BEST3: variants seen among roughly 807,000 people sequenced by gnomAD.
BEST3 encodes the protein bestrophin-3.
In BEST3, 50 loss-of-function variants were observed where a neutral mutation model predicts 47.1. The observed-to-expected ratio is 1.06, with a 90% CI of 0.85 to 1.34. BEST3 has a LOEUF of 1.34. Among genes scored for constraint, BEST3 ranks in the 40% most tolerant of loss-of-function variants. The pLI is 0.00. For missense variants in BEST3, 765 were observed against 817.0 expected, an observed-to-expected ratio of 0.94 and a Z score of 0.78; for synonymous variants, 282 against 298.8, an observed-to-expected ratio of 0.94 and a Z score of 0.58.
intron 4 of BEST3, among the ~76,000 whole-genome samples, chr12:69,679,914 CGTGT>C (rs35274840): frequency 0.02 from 3,049 of 150,062 alleles, 52 homozygotes; most frequent in African/African-American, 0.033. Context: ...TGTATGCATG[CGTGT>C]GTGTGTGTGT....
At chr12:69,651,991 G>A (rs569382775), downstream of BEST3, among the ~76,000 whole-genome samples, 6 of 152,242 alleles carry the variant, frequency 3.9e-5, no homozygotes, top group African/African-American at 1.4e-4. Context: ...CTGGAGTGGT[G>A]GAGGCGATAC....
chr12:69,664,773 C>G (rs1169096376), intron 9 of BEST3, among the ~76,000 whole-genome samples: 6 of 150,706 alleles, frequency 4.0e-5, no homozygotes, highest in African/African-American at 1.2e-4. Flanking sequence ...ATAAAAGATA[C>G]AGACTCTAGA....
At chr12:69,677,413 T>C (rs1480395593) in intron 5 of BEST3, among the ~76,000 whole-genome samples, 156 bp from the exon 6 acceptor site, 1 of 152,192 alleles carries the variant, frequency 6.6e-6, no homozygotes, top group Non-Finnish European at 1.5e-5. Flanking sequence ...GTTCTAAAAA[T>C]GACAATCAAT....
chr12:69,676,879 A>C, intron 7 of BEST3, 37 bp downstream of exon 7: 2 of 1,599,836 alleles, frequency 1.3e-6, no homozygotes, highest in Admixed American at 1.7e-5. Context: ...CTGGAACATA[A>C]CACATTACAA....
At chr12:69,674,411 G>A (rs1884773636) in intron 7 of BEST3, among the ~76,000 whole-genome samples, 2 of 152,114 alleles carry the variant, frequency 1.3e-5, no homozygotes, top group Non-Finnish European at 2.9e-5. Context: ...TCAGTGTCAG[G>A]TAAAGCTCCC....
chr12:69,687,732 T>A (rs1298279854), intron 4 of BEST3, among the ~76,000 whole-genome samples: 3 of 151,960 alleles, frequency 2.0e-5, no homozygotes, highest in Admixed American at 1.3e-4. Flanking sequence ...CAGAGGTTAC[T>A]GTCTTATAAC....
chr12:69,689,359 C>T (rs1885819142), intron 4 of BEST3: 1 of 624,186 alleles, frequency 1.6e-6, no homozygotes, highest in South Asian at 7.0e-5. Flanking sequence ...GAAGACAGGC[C>T]TCCGAAGCGT....
chr12:69,649,666 C>T (rs567023696), downstream of BEST3, among the ~76,000 whole-genome samples: 5 of 152,284 alleles, frequency 3.3e-5, no homozygotes, highest in South Asian at 4.1e-4. Flanking sequence ...TAGTTGTGGA[C>T]GTCTGTCCTG....
chr12:69,675,188 T>C (rs1341849415), intron 7 of BEST3, among the ~76,000 whole-genome samples: 1 of 152,156 alleles, frequency 6.6e-6, no homozygotes, highest in African/African-American at 2.4e-5. Context: ...GGTGTGAACA[T>C]GGCTCACTGC....
At chr12:69,678,050 AAATC>A (rs1043221168) in intron 5 of BEST3, among the ~76,000 whole-genome samples, 2 of 152,200 alleles carry the variant, frequency 1.3e-5, no homozygotes, top group African/African-American at 4.8e-5. Context: ...TATTGATAGA[AAATC>A]TATCTCTGAA....
At position 69,678,920 on chromosome 12, in the gene BEST3, G is replaced by A. The variant is rs200504260; in HGVS notation, c.482-27C>T. The A allele has an allele frequency of 2.5e-5, 39 of 1,584,276 alleles. No individual in the cohort carries two copies. The African/African-American group carries it at 3.6e-4, about 15-fold the overall frequency. ...TTTACAAAAAAATAAAAATCGGTAG[G>A]TATACAGACTTAGTTTGACACTAAT... On this transcript the variant is annotated intron_variant, in intron 4 of 9. Transcript: ENST00000330891.
In BEST3 at chr12:69,654,411, A is replaced by T; in HGVS notation, c.*496T>A. The T allele has an allele frequency of 2.0e-6, 2 of 986,050 alleles. No individual in the cohort carries two copies. The highest frequency in any genetic ancestry group is 2.4e-6 in the Non-Finnish European group (2 of 830,376). The allele number at this position is 986,050 out of a possible 1,614,324, so 61.1% of individuals were successfully genotyped here. A position where few individuals can be genotyped will look rare whatever the true frequency, so the allele number is the denominator to read the frequency against. ...ATAAAAGTAGGAATGAGATGGTTAG[A>T]AAGCCTCAAACAAAAACGTTAGGAA... On this transcript the variant is annotated 3_prime_UTR_variant, in exon 10 of 10. Coordinates refer to ENST00000330891, the MANE Select transcript of BEST3 (RefSeq NM_032735.3).
intron 9 of BEST3, among the ~76,000 whole-genome samples, chr12:69,662,802 T>C (rs1883948213): frequency 1.3e-5 from 2 of 152,222 alleles, no homozygotes; most frequent in African/African-American, 2.4e-5. Flanking sequence ...ATTTGAATTA[T>C]AGCAGAAGAG....
At chr12:69,652,125 G>A (rs1201082633), downstream of BEST3, among the ~76,000 whole-genome samples, 2 of 152,284 alleles carry the variant, frequency 1.3e-5, no homozygotes, top group South Asian at 4.1e-4. Flanking sequence ...TTTCCTTACT[G>A]AACTACAAAC....
chr12:69,650,458 G>C (rs557460011), downstream of BEST3, among the ~76,000 whole-genome samples: 1 of 152,272 alleles, frequency 6.6e-6, no homozygotes, highest in South Asian at 2.1e-4. Flanking sequence ...GGAAATCCTT[G>C]GTTGTTACTG....
At chr12:69,686,410 T>A (rs928263114) in intron 4 of BEST3, among the ~76,000 whole-genome samples, 7 of 152,176 alleles carry the variant, frequency 4.6e-5, no homozygotes, top group African/African-American at 1.7e-4. Flanking sequence ...ATAATATTAT[T>A]GTTTTCCTTG....
Position 69,654,846 on chromosome 12 carries a change from T to C in BEST3, c.*61A>G, listed in dbSNP as rs1431591626. 5.8e-5 allele frequency: 90 copies of C among 1,550,504 alleles called. No individual in the cohort carries two copies. The highest frequency in any genetic ancestry group is 9.8e-5 in the Admixed American group (5 of 51,170). ...GCCTTCAGGTATGTCCTGGGCCTAA[T>C]ATGCTGCTTTTGGGGAGGTAAGAAT... On this transcript the variant is annotated 3_prime_UTR_variant, in exon 10 of 10. Coordinates refer to ENST00000330891, the MANE Select transcript of BEST3 (RefSeq NM_032735.3).
intron 4 of BEST3, among the ~76,000 whole-genome samples, chr12:69,691,821 T>C (rs1885936594): frequency 6.6e-6 from 1 of 152,174 alleles, no homozygotes; most frequent in Admixed American, 6.5e-5. Context: ...GCCTGGTTGC[T>C]GAAACTGCCT....
At chr12:69,677,350 A>G in intron 5 of BEST3, 93 bp from the exon 6 acceptor site, 1 of 1,132,072 alleles carries the variant, frequency 8.8e-7, no homozygotes, top group Non-Finnish European at 1.3e-6. Flanking sequence ...TGTCTTTTAC[A>G]GGACTGACTG....
Sources: allele counts gnomAD v4.1 joint callset (sites outside exome capture counted in the v4.1 genomes callset), GRCh38; gene constraint gnomAD v4.1.1; transcripts MANE v1.5; gene names NCBI Gene and HGNC (gene_info 2026-07-23, HGNC 2026-07-21).